The following RAPGEF2 variants were observed in gnomAD, a reference collection of about 807,000 sequenced individuals.
RAPGEF2 encodes PDZ domain containing guanine nucleotide exchange factor (GEF) 1.
In RAPGEF2, 54 loss-of-function variants were observed where a neutral mutation model predicts 186.7. The observed-to-expected ratio is 0.29, with a 90% CI of 0.23 to 0.36. The LOEUF (loss-of-function observed/expected upper bound fraction) is 0.36, where lower values mean the gene tolerates loss of function less well. Among genes scored for constraint, RAPGEF2 ranks in the 10% least tolerant of loss-of-function variants. RAPGEF2 has a pLI of 1.00. For missense variants in RAPGEF2, 1,532 were observed against 2,045.0 expected (o/e 0.75, Z 4.84); for synonymous variants, 712 against 705.9 (o/e 1.01, Z -0.14).
chr4:159,131,753 A>G (rs977280618), intron 1 of RAPGEF2, among the ~76,000 whole-genome samples: 18 of 151,408 alleles, frequency 1.2e-4, no homozygotes, highest in Non-Finnish European at 1.9e-4. Context: ...ACAGCCCGGC[A>G]TCTCCTTGTT....
chr4:159,340,050 A>G (rs1171372817), intron 19 of RAPGEF2, among the ~76,000 whole-genome samples: 1 of 152,196 alleles, frequency 6.6e-6, no homozygotes, highest in African/African-American at 2.4e-5. Context: ...AGTCACAATA[A>G]GTAAGTGCAA....
chr4:159,163,916 C>G (rs1744986958), intron 1 of RAPGEF2, among the ~76,000 whole-genome samples: 1 of 151,988 alleles, frequency 6.6e-6, no homozygotes, highest in South Asian at 2.1e-4. Flanking sequence ...TAGGTTGTAT[C>G]TCACATATCA....
At chr4:159,148,315 A>G (rs1051862691) in intron 1 of RAPGEF2, among the ~76,000 whole-genome samples, 9 of 152,204 alleles carry the variant, frequency 5.9e-5, no homozygotes, top group African/African-American at 1.4e-4. Context: ...CAGTTAGGCA[A>G]GGTTTCAATA....
intron 3 of RAPGEF2, 105 bp from the exon 4 acceptor site, chr4:159,210,392 TTTA>T (rs1236337231): frequency 1.5e-6 from 1 of 664,512 alleles, no homozygotes; most frequent in Non-Finnish European, 2.5e-6. Flanking sequence ...TATGCTATTC[TTTA>T]TTATTTTAAA....
In RAPGEF2 at chr4:159,350,318, G is replaced by A. The variant is rs191098741; in HGVS notation, c.3865+29G>A. On this transcript the variant is annotated intron_variant, in intron 26 of 29. Coordinates refer to ENST00000691494, the MANE Select transcript of RAPGEF2 (RefSeq NM_001394067.2). ...GAATTAAATTACTTTTTGTTTTCTT[G>A]TATTGAAACCTATACATTTTGGCTA... is the stretch of plus-strand genomic sequence containing the variant. 312 of 1,505,642 alleles carry A rather than the reference G, an allele frequency of 2.1e-4. No homozygotes were observed. In the African/African-American group the frequency reaches 3.7e-3, roughly 18 times the overall value. The allele number at this position is 1,505,642 out of a possible 1,614,324, so 93.3% of individuals were successfully genotyped here.
chr4:159,166,574 T>A (rs144684393), intron 1 of RAPGEF2, among the ~76,000 whole-genome samples: 1,583 of 152,366 alleles, frequency 0.01, 28 homozygotes, highest in African/African-American at 0.035. Flanking sequence ...TACAGAGCTT[T>A]CTGCCACTTG....
chr4:159,232,389 C>T (rs1418851588), intron 4 of RAPGEF2, among the ~76,000 whole-genome samples: 1 of 152,154 alleles, frequency 6.6e-6, no homozygotes, highest in African/African-American at 2.4e-5. Context: ...GATATTTGTA[C>T]TTTTGTGGCT....
chr4:159,143,892 T>C (rs1742621633), intron 1 of RAPGEF2, among the ~76,000 whole-genome samples: 1 of 152,228 alleles, frequency 6.6e-6, no homozygotes, highest in African/African-American at 2.4e-5. Context: ...GGTTGTCATG[T>C]GGGGCTGTGA....
At chr4:159,252,618 T>C (rs190167526) in intron 7 of RAPGEF2, among the ~76,000 whole-genome samples, 339 of 152,338 alleles carry the variant, frequency 2.2e-3, no homozygotes, top group African/African-American at 7.6e-3. Flanking sequence ...GTATTAACTT[T>C]GGTTAGACTG....
chr4:159,190,957 A>G (rs1398944215), intron 2 of RAPGEF2, among the ~76,000 whole-genome samples: 2 of 152,234 alleles, frequency 1.3e-5, no homozygotes, highest in Non-Finnish European at 2.9e-5. Flanking sequence ...TGTCTTAGAT[A>G]TTGTAAGCAT....
intron 3 of RAPGEF2, among the ~76,000 whole-genome samples, chr4:159,195,476 G>A (rs1264051382): frequency 6.6e-6 from 1 of 152,168 alleles, no homozygotes; most frequent in African/African-American, 2.4e-5. Flanking sequence ...TCTAATAAGT[G>A]ATTTATATGC....
chr4:159,149,239 A>AT (rs1743271601), intron 1 of RAPGEF2, among the ~76,000 whole-genome samples: 1 of 152,112 alleles, frequency 6.6e-6, no homozygotes, highest in Non-Finnish European at 1.5e-5. Context: ...CACAGATTTA[A>AT]AGTTTTAGTT....
At chr4:159,343,429 C>T (rs778018225) in intron 22 of RAPGEF2, 25 bp downstream of exon 22, 3 of 1,611,346 alleles carry the variant, frequency 1.9e-6, no homozygotes, top group Non-Finnish European at 1.7e-6. Context: ...TTCAGTGGCA[C>T]GTGTGAGAGT....
chr4:159,241,183 T>TG lies in RAPGEF2; in HGVS notation c.358-12dup. On this transcript the variant is annotated splice_polypyrimidine_tract_variant and intron_variant, in intron 5 of 29. Transcript: ENST00000691494. ...TGTTGTGTTTGGAGAAATGAAATTTTGGGGGGTTTTATTTCAGGTGGACTA... is the reference window on the plus strand; with the variant it reads ...TGTTGTGTTTGGAGAAATGAAATTTTGGGGGGGTTTTATTTCAGGTGGACTA... 6.8e-7 allele frequency: 1 copy of TG among 1,478,778 alleles called. No homozygotes were observed. Among genetic ancestry groups the TG allele is most frequent in the South Asian group, 1.3e-5 (1 of 75,352 alleles). The allele number at this position is 1,478,778 out of a possible 1,614,324, so 91.6% of individuals were successfully genotyped here. A position where few individuals can be genotyped will look rare whatever the true frequency, so the allele number is the denominator to read the frequency against.
intron 1 of RAPGEF2, among the ~76,000 whole-genome samples, chr4:159,104,512 G>C (rs1253267746): frequency 7.7e-6 from 1 of 130,468 alleles, no homozygotes; most frequent in African/African-American, 3.4e-5. Context: ...GAGAGAGAGA[G>C]AGAGAGAGAG....
chr4:159,264,552 T>C (rs1450412913), intron 7 of RAPGEF2, among the ~76,000 whole-genome samples: 2 of 152,116 alleles, frequency 1.3e-5, no homozygotes, highest in African/African-American at 4.8e-5. Context: ...GTTTAATCCC[T>C]GAGTTGCCAT....
intron 7 of RAPGEF2, among the ~76,000 whole-genome samples, chr4:159,260,863 C>T (rs1218892827): frequency 5.3e-5 from 8 of 152,160 alleles, no homozygotes; most frequent in African/African-American, 1.9e-4. Context: ...ATTCTCCTTC[C>T]TCAGCCTCCC....
intron 1 of RAPGEF2, among the ~76,000 whole-genome samples, chr4:159,106,777 C>G (rs1392309731): frequency 6.6e-6 from 1 of 152,100 alleles, no homozygotes; most frequent in Non-Finnish European, 1.5e-5. Flanking sequence ...TCCGTGAAAA[C>G]ATAGTTTTGT....
At chr4:159,239,369 T>G (rs189317013) in intron 5 of RAPGEF2, among the ~76,000 whole-genome samples, 1 of 152,294 alleles carries the variant, frequency 6.6e-6, no homozygotes, top group East Asian at 1.9e-4. Flanking sequence ...TCATTAGAGT[T>G]TCTAAGATGT....
Sources: allele counts gnomAD v4.1 joint callset (sites outside exome capture counted in the v4.1 genomes callset), GRCh38; gene constraint gnomAD v4.1.1; transcripts MANE v1.5; gene names NCBI Gene and HGNC (gene_info 2026-07-23, HGNC 2026-07-21).